The following RCOR3 variants were observed in gnomAD, a reference collection of about 807,000 sequenced individuals.
RCOR3 encodes the protein REST corepressor 3.
In RCOR3, 13 loss-of-function variants were observed where a neutral mutation model predicts 64.1. The observed-to-expected ratio is 0.20, with a 90% CI of 0.13 to 0.32. The LOEUF (loss-of-function observed/expected upper bound fraction) is 0.32. Ranked by LOEUF, RCOR3 falls within the 10% of genes least tolerant of loss-of-function variation. RCOR3 has a pLI of 1.00. For missense variants in RCOR3, 489 were observed against 701.2 expected, an observed-to-expected ratio of 0.70 and a Z score of 3.42; for synonymous variants, 215 against 239.0, an observed-to-expected ratio of 0.90 and a Z score of 0.93.
At chr1:211,276,559 A>C in intron 5 of RCOR3, 141 bp downstream of exon 5, 1 of 716,680 alleles carries the variant, frequency 1.4e-6, no homozygotes, top group Non-Finnish European at 2.1e-6. Context: ...TTTATATACA[A>C]TCCTGTTTTC....
chr1:211,284,222 TG>T (rs1698214650), intron 7 of RCOR3, among the ~76,000 whole-genome samples: 1 of 151,446 alleles, frequency 6.6e-6, no homozygotes, highest in Admixed American at 6.6e-5. Context: ...CCTGGCTAAT[TG>T]TTTTTTTGTT....
rs143470103 is a variant in RCOR3, at chr1:211,289,210, G to A, written c.753G>A (p.Lys251=). The change falls in exon 8 of 12, where the codon AAG becomes AAA. Residue 251 remains lysine (K), a synonymous_variant. Coordinates refer to ENST00000419091, the MANE Select transcript of RCOR3 (RefSeq NM_001136223.3). ...CTGAACAACCTGTCCAAACTAGCAA[G>A]ATTGGACTTGGAAGAAGAGAGTATC... ...GNTEQPVQTS[K]IGLGRREYQS... is the part of the protein sequence containing the mutation. 36 of 1,613,958 alleles carry A rather than the reference G, an allele frequency of 2.2e-5. No individual in the cohort carries two copies. The highest frequency in any genetic ancestry group is 3.0e-5 in the Non-Finnish European group (35 of 1,180,018).
chr1:211,264,213 C>G (rs74676855), intron 2 of RCOR3, among the ~76,000 whole-genome samples: 292 of 152,260 alleles, frequency 1.9e-3, no homozygotes, highest in Non-Finnish European at 3.7e-3. Flanking sequence ...GCCACTCAAT[C>G]CATCTTTATG....
At chr1:211,260,987 T>C (rs777772260) in intron 2 of RCOR3, 1 of 152,262 alleles carries the variant, frequency 6.6e-6, no homozygotes, top group Non-Finnish European at 1.5e-5. Context: ...GTTCCGCATA[T>C]GGAGGCGCCC....
At position 211,259,488 on chromosome 1, in the gene RCOR3, C is replaced by T. The variant is rs949871799; in HGVS notation, c.-73C>T. 17 of 1,458,514 alleles carry T rather than the reference C, an allele frequency of 1.2e-5. No individual in the cohort carries two copies. The highest frequency in any genetic ancestry group is 2.3e-5 in the Admixed American group (1 of 43,338). 90.3% of individuals were successfully genotyped at this position (1,458,514 alleles called of 1,614,324 possible). A position where few individuals can be genotyped will look rare whatever the true frequency, so the allele number is the denominator to read the frequency against. The stretch of plus-strand genomic sequence containing the variant: ...CTCCTCCTCCTTTCCCTCCCGCCCG[C>T]GCTCTAAGCCATCTCCGCCTTCACC... On this transcript the variant is annotated 5_prime_UTR_variant, in exon 1 of 12. Coordinates refer to ENST00000419091, the MANE Select transcript of RCOR3 (RefSeq NM_001136223.3).
intron 7 of RCOR3, among the ~76,000 whole-genome samples, chr1:211,285,322 T>A (rs1698384493): frequency 1.3e-5 from 2 of 152,256 alleles, no homozygotes; most frequent in South Asian, 4.1e-4. Flanking sequence ...TTCACATTGC[T>A]GGTAGTTGAT....
At chr1:211,261,158 T>A (rs1694205287) in intron 2 of RCOR3, 1 of 152,220 alleles carries the variant, frequency 6.6e-6, no homozygotes. Context: ...TGCGTTTGTG[T>A]CAGACATTGG....
At chr1:211,274,919 C>G (rs915530185) in intron 4 of RCOR3, among the ~76,000 whole-genome samples, 7 of 151,400 alleles carry the variant, frequency 4.6e-5, no homozygotes, top group Non-Finnish European at 1.0e-4. Context: ...TCTCTGCATA[C>G]AAAATATAGT....
intron 8 of RCOR3, chr1:211,291,388 G>A (rs571839497): frequency 1.1e-4 from 33 of 294,304 alleles, no homozygotes; most frequent in Non-Finnish European, 1.9e-4. Context: ...TTGGGTTTTC[G>A]GATTAGGGAT....
chr1:211,280,915 C>T (rs914206518), intron 7 of RCOR3, among the ~76,000 whole-genome samples: 1 of 142,928 alleles, frequency 7.0e-6, no homozygotes, highest in African/African-American at 2.6e-5. Flanking sequence ...ACCCAGGAGG[C>T]GGAGGTTGCA....
At chr1:211,311,718 A>T (rs12041498) in intron 10 of RCOR3, among the ~76,000 whole-genome samples, 34,384 of 152,010 alleles carry the variant, frequency 0.23, 4,417 homozygotes, top group African/African-American at 0.34. Context: ...TGGTATTTTT[A>T]AAAGCAGTTA....
At chr1:211,274,110 G>A (rs1023682374) in intron 3 of RCOR3, 100 bp from the exon 4 acceptor site, 10 of 707,706 alleles carry the variant, frequency 1.4e-5, no homozygotes, top group Middle Eastern at 4.2e-4. Context: ...TTTTACCCTG[G>A]AATATAAATT....
chr1:211,306,022 TGTGTTAATG>T (rs1212446520), intron 10 of RCOR3, among the ~76,000 whole-genome samples: 1 of 152,178 alleles, frequency 6.6e-6, no homozygotes, highest in Non-Finnish European at 1.5e-5. Context: ...TTCTTAATAA[TGTGTTAATG>T]GTGTTAATGT....
rs1701713682 is a variant in RCOR3 at position 211,313,699 on chromosome 1, C to T, written c.1593C>T (p.Ser531=). The part of the protein sequence containing the change: ...PPRLNPRPVL[S]TVGGQQPPSL... Reference sequence around the variant, plus strand: ...GTCTAAACCCAAGACCGGTGTTGTCCACGGTTGGTGGTCAACAGCCACCAT... The same window carrying T: ...GTCTAAACCCAAGACCGGTGTTGTCTACGGTTGGTGGTCAACAGCCACCAT... Residue 531 remains serine (S), a synonymous_variant, in exon 12 of 12, where the codon TCC becomes TCT. Transcript: ENST00000419091. This position sits in a 1 kb window ranked among gnomAD's most constrained non-coding sequence, Gnocchi z 4.7. The T allele has an allele frequency of 6.2e-7, 1 of 1,614,188 alleles. No individual in the cohort carries two copies. The highest frequency in any genetic ancestry group is 8.5e-7 in the Non-Finnish European group (1 of 1,180,030).
At position 211,315,941 on chromosome 1, in the gene RCOR3, T is replaced by G. The variant is rs1701841872; in HGVS notation, c.*2173T>G. On this transcript the variant is annotated 3_prime_UTR_variant, in exon 12 of 12. Coordinates refer to ENST00000419091, the MANE Select transcript of RCOR3 (RefSeq NM_001136223.3). The stretch of plus-strand genomic sequence containing the variant: ...AATATTTTGCACGTCATTATTTTTC[T>G]TTTTTGTTTAAGCAGTGTTTGGCCT... 6.6e-6 allele frequency: 1 copy of G among 152,234 alleles called. No homozygotes were observed. The highest frequency in any genetic ancestry group is 1.5e-5 in the Non-Finnish European group (1 of 68,038). The allele number at this position is 152,234 out of a possible 1,614,324, so 9.4% of individuals were successfully genotyped here.
intron 2 of RCOR3, among the ~76,000 whole-genome samples, chr1:211,265,716 T>A (rs1162659515): frequency 2.6e-5 from 4 of 152,202 alleles, no homozygotes; most frequent in Non-Finnish European, 2.9e-5. Context: ...AGACTCTGTC[T>A]CAAATAAATA....
chr1:211,297,457 A>T (rs143833716), intron 9 of RCOR3, among the ~76,000 whole-genome samples: 32 of 152,172 alleles, frequency 2.1e-4, no homozygotes, highest in Non-Finnish European at 1.3e-4. Flanking sequence ...TTGGACTTCT[A>T]TATTAGTATA....
intron 8 of RCOR3, among the ~76,000 whole-genome samples, chr1:211,293,554 C>A (rs1699499578): frequency 6.6e-6 from 1 of 152,166 alleles, no homozygotes; most frequent in Admixed American, 6.5e-5. Flanking sequence ...CCTAATCTTC[C>A]CCACCACCTG....
chr1:211,287,496 A>G (rs1380905709), intron 7 of RCOR3, among the ~76,000 whole-genome samples: 1 of 152,240 alleles, frequency 6.6e-6, no homozygotes, highest in Non-Finnish European at 1.5e-5. Flanking sequence ...CAGCAATTTT[A>G]GTAGTGCCCT....
Sources: gnomAD v4.1 joint callset for allele counts (sites outside exome capture counted in the v4.1 genomes callset) on GRCh38, gnomAD v4.1.1 for gene constraint, Gnocchi (gnomAD v3.1) non-coding constraint, MANE v1.5 for transcripts, NCBI Gene and HGNC (gene_info 2026-07-23, HGNC 2026-07-21) for gene names.